HLCS: variants seen among roughly 807,000 people sequenced by gnomAD.
HLCS encodes the protein holocarboxylase synthetase, also known as biotin--protein ligase.
In HLCS, 53 loss-of-function variants were observed where a neutral mutation model predicts 75.0. The ratio of observed to expected loss-of-function variants is 0.71; its 90% CI spans 0.57 to 0.89. The LOEUF is 0.89. Among genes scored for constraint, HLCS ranks in the 40% least tolerant of loss-of-function variants. HLCS has a pLI of 0.00. For missense variants in HLCS, 966 were observed against 1,074.0 expected (o/e 0.90, Z 1.41); for synonymous variants, 431 against 428.6 (o/e 1.01, Z -0.07).
At chr21:36,968,021 G>A (rs887626067), upstream of HLCS, among the ~76,000 whole-genome samples, 1 of 149,990 alleles carries the variant, frequency 6.7e-6, no homozygotes, top group African/African-American at 2.5e-5. Flanking sequence ...CGCCCAGCTA[G>A]GATAGATTTT....
intron 2 of HLCS, among the ~76,000 whole-genome samples, chr21:36,961,408 T>A (rs2068283584): frequency 1.3e-5 from 2 of 151,882 alleles, no homozygotes; most frequent in African/African-American, 4.8e-5. Flanking sequence ...CTAATCCAAG[T>A]ATTTTGGGAG....
At chr21:36,787,080 A>G (rs7277563) in intron 6 of HLCS, among the ~76,000 whole-genome samples, 2,663 of 152,306 alleles carry the variant, frequency 0.017, 78 homozygotes, top group African/African-American at 0.062. Context: ...CCACATTTCA[A>G]CATTGGAACT....
At chr21:36,912,362 T>C (rs1006657328) in intron 5 of HLCS, among the ~76,000 whole-genome samples, 21 of 151,470 alleles carry the variant, frequency 1.4e-4, no homozygotes, top group African/African-American at 5.1e-4. Flanking sequence ...TTGAAAACAT[T>C]ACACTAAGTT....
chr21:36,988,728 C>G (rs1601950985), intron 1 of HLCS, among the ~76,000 whole-genome samples: 1 of 152,304 alleles, frequency 6.6e-6, no homozygotes, highest in East Asian at 1.9e-4. Flanking sequence ...TTGCACTTAG[C>G]AACGGGATCA....
chr21:36,891,283 GCCAACGCA>G (rs1191333875), intron 6 of HLCS, among the ~76,000 whole-genome samples: 2 of 152,178 alleles, frequency 1.3e-5, no homozygotes, highest in Non-Finnish European at 2.9e-5. Flanking sequence ...TGACACGTGA[GCCAACGCA>G]CCAATGCTGG....
At chr21:36,865,840 C>T (rs1472437358) in intron 6 of HLCS, among the ~76,000 whole-genome samples, 1 of 152,198 alleles carries the variant, frequency 6.6e-6, no homozygotes, top group African/African-American at 2.4e-5. Context: ...TCTCTTATAT[C>T]TCACATCTGG....
At chr21:36,966,421 G>GGCCC in intron 1 of HLCS, 23 bp downstream of exon 1, 7 of 473,742 alleles carry the variant, frequency 1.5e-5, no homozygotes, top group South Asian at 8.8e-5. Flanking sequence ...GGCCCGGGTC[G>GGCCC]CCCGCCCGCC....
intron 6 of HLCS, among the ~76,000 whole-genome samples, chr21:36,801,740 T>C (rs2061207200): frequency 6.6e-6 from 1 of 152,172 alleles, no homozygotes; most frequent in African/African-American, 2.4e-5. Flanking sequence ...TGTGAGTAGT[T>C]ATGTTCTATT....
chr21:36,832,370 C>T (rs2146054469), intron 6 of HLCS, among the ~76,000 whole-genome samples: 1 of 152,300 alleles, frequency 6.6e-6, no homozygotes, highest in East Asian at 1.9e-4. Flanking sequence ...GATGAAGATT[C>T]TAATATAGAT....
chr21:36,824,423 C>G (rs1268760552), intron 6 of HLCS, among the ~76,000 whole-genome samples: 1 of 152,118 alleles, frequency 6.6e-6, no homozygotes. Context: ...GGGAATAACA[C>G]ACACTGGGGC....
At chr21:36,880,634 G>A (rs980280039) in intron 6 of HLCS, among the ~76,000 whole-genome samples, 10 of 152,184 alleles carry the variant, frequency 6.6e-5, no homozygotes, top group African/African-American at 2.4e-4. Context: ...CAGGGAGATT[G>A]CCACGACTTG....
chr21:36,898,806 A>G (rs1293401432), intron 5 of HLCS, among the ~76,000 whole-genome samples: 3 of 152,208 alleles, frequency 2.0e-5, no homozygotes, highest in Admixed American at 2.0e-4. Context: ...CACACCTGTA[A>G]TCCCAGCACT....
chr21:36,831,767 G>A (rs2062218679), intron 6 of HLCS, among the ~76,000 whole-genome samples: 1 of 152,198 alleles, frequency 6.6e-6, no homozygotes, highest in Admixed American at 6.5e-5. Context: ...TAGGTATGGA[G>A]TGGTTTAGGG....
In HLCS at chr21:36,749,700, C is replaced by A. The variant is rs1250716572; in HGVS notation, c.*4546G>T. Reference sequence around the variant, plus strand: ...GCCGAGGGTATTATTTTTTTATGTTCATGAGTCTTGTAATTAAACCGTGAT... The same window carrying A: ...GCCGAGGGTATTATTTTTTTATGTTAATGAGTCTTGTAATTAAACCGTGAT... On this transcript the variant is annotated 3_prime_UTR_variant, in exon 11 of 11. Coordinates refer to ENST00000674895, the MANE Select transcript of HLCS (RefSeq NM_001352514.2). 6.6e-6 allele frequency: 1 copy of A among 152,128 alleles called. No individual in the cohort carries two copies. The highest frequency in any genetic ancestry group is 1.9e-4 in the East Asian group (1 of 5,198). 9.4% of individuals were successfully genotyped at this position (152,128 alleles called of 1,614,324 possible).
chr21:36,957,343 T>C lies in HLCS; in HGVS notation c.330+4693A>G, dbSNP rs147641281. On this transcript the variant is annotated intron_variant, in intron 2 of 10. Transcript: ENST00000674895. ...CCTGCACCTCTGTCACTTTCTGCCATGACTGTTCCTCAAGGCCCTCACCAG... is the reference window on the plus strand; with the variant it reads ...CCTGCACCTCTGTCACTTTCTGCCACGACTGTTCCTCAAGGCCCTCACCAG... Among the ~76,000 whole-genome samples, 122 of 152,330 alleles carry C rather than the reference T, an allele frequency of 8.0e-4. 1 individual carries two copies. The highest frequency in any genetic ancestry group is 3.4e-3 in the Middle Eastern group (1 of 294).
intron 6 of HLCS, among the ~76,000 whole-genome samples, chr21:36,821,958 G>T (rs1045150016): frequency 2.6e-5 from 4 of 152,042 alleles, no homozygotes; most frequent in Admixed American, 6.6e-5. Flanking sequence ...CTGACAGGAG[G>T]GTCCCATCAC....
Position 36,979,281 on chromosome 21 carries a change from AAAAAAAAG to A in HLCS, c.-393+10869_-393+10876del, listed in dbSNP as rs1474327404. Among the ~76,000 whole-genome samples the A allele has an allele frequency of 1.8e-3, 256 of 145,256 alleles. 2 individuals are homozygous for A. The highest frequency in any genetic ancestry group is 6.8e-3 in the African/African-American group (247 of 36,526). On this transcript the variant is annotated intron_variant, in intron 1 of 11. Transcript: ENST00000336648. The stretch of plus-strand genomic sequence containing the variant: ...GAGCAAGACTCAGTCTCAAAAAAAA[AAAAAAAAG>A]AAAGAAAGAAAAAAACTACCTATTA...
intron 6 of HLCS, among the ~76,000 whole-genome samples, chr21:36,768,413 G>A (rs932359974): frequency 1.3e-5 from 2 of 152,174 alleles, no homozygotes; most frequent in Non-Finnish European, 1.5e-5. Context: ...GAAACTGGGT[G>A]GAACTTTACA....
chr21:36,928,862 A>T (rs2066515408), intron 5 of HLCS, among the ~76,000 whole-genome samples: 1 of 152,224 alleles, frequency 6.6e-6, no homozygotes, highest in Non-Finnish European at 1.5e-5. Flanking sequence ...ATCATGTTCA[A>T]GCATTTCATT....
Sources: allele counts gnomAD v4.1 joint callset (sites outside exome capture counted in the v4.1 genomes callset), GRCh38; gene constraint gnomAD v4.1.1; transcripts MANE v1.5; gene names NCBI Gene and HGNC (gene_info 2026-07-23, HGNC 2026-07-21).